CACNA1I: variants seen among roughly 807,000 people sequenced by gnomAD.
CACNA1I encodes the protein voltage-dependent T-type calcium channel subunit alpha-1I.
Under a neutral mutation model 201.6 loss-of-function variants are expected in CACNA1I, and 74 were observed. The ratio of observed to expected loss-of-function variants is 0.37; its 90% CI spans 0.30 to 0.45. The LOEUF is 0.45. Among genes scored for constraint, CACNA1I ranks in the 20% least tolerant of loss-of-function variants. The pLI, the probability that CACNA1I is intolerant of heterozygous loss-of-function variation, is 1.00. For synonymous variants in CACNA1I, 1,431 were observed against 1,345.2 expected (o/e 1.06, Z -1.40); for missense variants, 2,346 against 3,138.1 (o/e 0.75, Z 6.03).
At chr22:39,682,334 C>G (rs1234993878) in intron 34 of CACNA1I, among the ~76,000 whole-genome samples, 162 bp from the exon 35 acceptor site, 1 of 152,138 alleles carries the variant, frequency 6.6e-6, no homozygotes, top group Non-Finnish European at 1.5e-5. Flanking sequence ...ATTCCTTTCA[C>G]GGGATTTTGG....
intron 4 of CACNA1I, among the ~76,000 whole-genome samples, chr22:39,622,601 G>T (rs60581243): frequency 0.027 from 4,058 of 150,434 alleles, 178 homozygotes; most frequent in African/African-American, 0.093. Context: ...TGCGGTGTGG[G>T]GGGGGCGGTG....
chr22:39,574,389 C>T (rs1932278230), intron 1 of CACNA1I, among the ~76,000 whole-genome samples: 1 of 152,036 alleles, frequency 6.6e-6, no homozygotes. Flanking sequence ...CAAACAGAGA[C>T]CCAGGAGACG....
rs1934337916 is a variant in CACNA1I at position 39,640,990 on chromosome 22, G to A, written c.864G>A (p.Glu288=). ...MGCHEIPPLK[E]QGRECCLSKD... is the part of the protein sequence containing the mutation. ...GCCATGAGATCCCCCCGCTCAAGGA[G>A]CAGGGCCGTGAGTGCTGCCTGTCCA... is the stretch of plus-strand genomic sequence containing the variant. The change falls in exon 6 of 37, where the codon GAG becomes GAA. Residue 288 remains glutamate (E), a synonymous_variant. Transcript: ENST00000402142. 6.2e-7 allele frequency: 1 copy of A among 1,614,038 alleles called. No homozygotes were observed. The highest frequency in any genetic ancestry group is 2.2e-5 in the East Asian group (1 of 44,884).
intron 1 of CACNA1I, among the ~76,000 whole-genome samples, chr22:39,585,310 G>T (rs910538987): frequency 1.3e-5 from 2 of 151,390 alleles, no homozygotes; most frequent in Admixed American, 6.6e-5. Context: ...TGATCCACCC[G>T]CCTTGGCCTC....
At position 39,686,389 on chromosome 22, in the gene CACNA1I, G is replaced by T; in HGVS notation, c.6656G>T (p.Ser2219Ile). 7.8e-7 allele frequency: 1 copy of T among 1,287,372 alleles called. No homozygotes were observed. The highest frequency in any genetic ancestry group is 9.9e-7 in the Non-Finnish European group (1 of 1,015,050). 79.7% of individuals were successfully genotyped at this position (1,287,372 alleles called of 1,614,324 possible). A position where few individuals can be genotyped will look rare whatever the true frequency, so the allele number is the denominator to read the frequency against. The change falls in exon 37 of 37, where the codon AGC becomes ATC. Residue 2219 changes from serine (S) to isoleucine (I), a missense_variant. Around this residue, in one of 13 missense-constraint regions of CACNA1I, gnomAD observed 187 missense variants for 151.0 expected, o/e 1.24. Coordinates refer to ENST00000402142, the MANE Select transcript of CACNA1I (RefSeq NM_021096.4). ...PGELEPGDAA[S>I]KRKR The stretch of plus-strand genomic sequence containing the variant: ...GAGCTGGAGCCGGGAGACGCCGCCA[G>T]CAAGAGGAAGAGATGAGGGTCGCAG...
intron 24 of CACNA1I, among the ~76,000 whole-genome samples, chr22:39,669,403 A>T (rs974562382): frequency 3.9e-5 from 6 of 152,222 alleles, no homozygotes; most frequent in African/African-American, 1.4e-4. Context: ...TCCACCAAGG[A>T]ATCTGTGCAT....
At position 39,661,156 on chromosome 22, in the gene CACNA1I, CCA is replaced by C; in HGVS notation, c.2748_2749del (p.Leu918ProfsTer45). On this transcript the variant is annotated frameshift_variant, in exon 16 of 37. Transcript: ENST00000402142. LOFTEE classifies it high-confidence loss of function. ...ATGACCCCCAATGGGCACCTGGACC[CCA>C]GTCTCCCACTGGGTGGGCACCTAGG... The C allele has an allele frequency of 6.2e-7, 1 of 1,613,348 alleles. No homozygotes were observed. The highest frequency in any genetic ancestry group is 8.5e-7 in the Non-Finnish European group (1 of 1,179,788).
chr22:39,653,405 G>A (rs136845), intron 10 of CACNA1I, among the ~76,000 whole-genome samples: 91,591 of 152,040 alleles, frequency 0.6, 28,946 homozygotes, highest in East Asian at 0.99. Flanking sequence ...TTTTTGCTCC[G>A]CTCGCTCGGC....
At chr22:39,596,544 G>T (rs193138141) in intron 1 of CACNA1I, among the ~76,000 whole-genome samples, 43 of 150,978 alleles carry the variant, frequency 2.8e-4, no homozygotes, top group Admixed American at 2.8e-3. Context: ...GAGGGAGATG[G>T]GGTATTAGGG....
At position 39,665,130 on chromosome 22, in the gene CACNA1I, C is replaced by T. The variant is rs1289524394; in HGVS notation, c.3851+207C>T. On this transcript the variant is annotated intron_variant, in intron 21 of 36. Coordinates refer to ENST00000402142, the MANE Select transcript of CACNA1I (RefSeq NM_021096.4). The surrounding 1 kb of genome is among the most constrained non-coding windows in gnomAD (Gnocchi z 5.5). The stretch of plus-strand genomic sequence containing the variant: ...GGAAGAGCAGGGCTGAAGCTGGACC[C>T]CAGTATTGCTGCCCACTCTGCGTGT... Among the ~76,000 whole-genome samples the T allele has an allele frequency of 3.3e-5, 5 of 152,108 alleles. No individual in the cohort carries two copies. The highest frequency in any genetic ancestry group is 2.0e-4 in the Admixed American group (3 of 15,266).
chr22:39,642,047 G>T (rs963564271), intron 6 of CACNA1I, among the ~76,000 whole-genome samples: 1 of 152,144 alleles, frequency 6.6e-6, no homozygotes, highest in Non-Finnish European at 1.5e-5. Context: ...AGTCCCTGAG[G>T]GGGCAGCGGG....
In CACNA1I at chr22:39,665,825, C is replaced by A. The variant is rs916770261; in HGVS notation, c.3979-56C>A. 6.2e-7 allele frequency: 1 copy of A among 1,610,396 alleles called. No homozygotes were observed. The highest frequency in any genetic ancestry group is 2.2e-5 in the East Asian group (1 of 44,786). ...GTAAACGCGATCGAGAGGCGAGTTC[C>A]TCTCTGACTTGCAACCCTCACCTGT... On this transcript the variant is annotated intron_variant, in intron 22 of 36. Coordinates refer to ENST00000402142, the MANE Select transcript of CACNA1I (RefSeq NM_021096.4). The surrounding 1 kb of genome is among the most constrained non-coding windows in gnomAD (Gnocchi z 5.5).
chr22:39,576,635 G>A (rs1490169694), intron 1 of CACNA1I, among the ~76,000 whole-genome samples: 3 of 152,232 alleles, frequency 2.0e-5, no homozygotes, highest in Admixed American at 6.5e-5. Flanking sequence ...TGTGAAGGCC[G>A]CCTCTCTGCT....
At chr22:39,600,126 C>T (rs1932992513) in intron 2 of CACNA1I, among the ~76,000 whole-genome samples, 1 of 152,170 alleles carries the variant, frequency 6.6e-6, no homozygotes, top group South Asian at 2.1e-4. Flanking sequence ...TAAAATGGGA[C>T]TACCCATGGG....
In CACNA1I at chr22:39,665,246, G is replaced by A. The variant is rs1042531181; in HGVS notation, c.3852-252G>A. Among the ~76,000 whole-genome samples, 2 of 152,112 alleles carry A rather than the reference G, an allele frequency of 1.3e-5. No individual in the cohort carries two copies. Among genetic ancestry groups the A allele is most frequent in the African/African-American group, 4.8e-5 (2 of 41,412 alleles). ...GGAGCTGGGCACAGTGAGGGGTGAG[G>A]GCACGTACCCTGCTGCTGCTGTAGA... On this transcript the variant is annotated intron_variant, in intron 21 of 36. Transcript: ENST00000402142. The surrounding 1 kb of genome is among the most constrained non-coding windows in gnomAD (Gnocchi z 5.5).
chr22:39,605,573 A>G (rs775858453), intron 3 of CACNA1I, among the ~76,000 whole-genome samples: 1 of 152,250 alleles, frequency 6.6e-6, no homozygotes, highest in South Asian at 2.1e-4. Flanking sequence ...TGAACAAGAC[A>G]GGCCCTTTGT....
At chr22:39,616,266 C>G (rs1034032912) in intron 3 of CACNA1I, among the ~76,000 whole-genome samples, 1 of 152,108 alleles carries the variant, frequency 6.6e-6, no homozygotes, top group African/African-American at 2.4e-5. Flanking sequence ...GGAGGTTGCC[C>G]AAGTCTGTAG....
chr22:39,658,491 G>A (rs1405255322), intron 11 of CACNA1I, among the ~76,000 whole-genome samples, 188 bp downstream of exon 11: 1 of 152,226 alleles, frequency 6.6e-6, no homozygotes, highest in East Asian at 1.9e-4. Context: ...TGATCTAGCA[G>A]CGCGTCTGTG....
intron 2 of CACNA1I, among the ~76,000 whole-genome samples, chr22:39,599,780 C>G (rs1038098259): frequency 6.6e-6 from 1 of 152,212 alleles, no homozygotes; most frequent in Non-Finnish European, 1.5e-5. Flanking sequence ...GTTCACCGAA[C>G]AAGCACCTCT....
Sources: allele counts gnomAD v4.1 joint callset (sites outside exome capture counted in the v4.1 genomes callset), GRCh38; gene constraint gnomAD v4.1.1; regional missense constraint gnomAD v4.1.1; non-coding constraint Gnocchi (gnomAD v3.1); transcripts MANE v1.5; gene names NCBI Gene and HGNC (gene_info 2026-07-23, HGNC 2026-07-21).